Variants in FYB1 observed in about 807,000 individuals in gnomAD.
FYB1 encodes FYN binding protein 1.
A neutral mutation model predicts 94.1 loss-of-function variants in FYB1; 41 were observed. The observed-to-expected ratio is 0.44, with a 90% CI of 0.34 to 0.57. The LOEUF (loss-of-function observed/expected upper bound fraction) is 0.57, where lower values mean the gene tolerates loss of function less well. FYB1 is among the 20% of genes least tolerant of loss of function. The pLI, the probability that FYB1 is intolerant of heterozygous loss-of-function variation, is 0.02. For synonymous variants in FYB1, 367 were observed against 353.2 expected, an observed-to-expected ratio of 1.04 and a Z score of -0.44; for missense variants, 1,050 against 976.8, an observed-to-expected ratio of 1.07 and a Z score of -1.00.
chr5:39,118,048 A>G (rs1377963212), intron 16 of FYB1, among the ~76,000 whole-genome samples: 1 of 151,910 alleles, frequency 6.6e-6, no homozygotes, highest in East Asian at 1.9e-4. Flanking sequence ...TACAAGGCGC[A>G]CACCGCTACA....
At position 39,151,754 on chromosome 5, in the gene FYB1, G is replaced by A. The variant is rs970605773; in HGVS notation, c.1292+1694C>T. Among the ~76,000 whole-genome samples the A allele has an allele frequency of 2.6e-5, 4 of 152,220 alleles. No individual in the cohort carries two copies. The East Asian group carries it at 7.7e-4, about 29-fold the overall frequency. On this transcript the variant is annotated intron_variant, in intron 3 of 18. Coordinates refer to ENST00000512982, the MANE Select transcript of FYB1 (RefSeq NM_001465.6). ...AAATCTATTAGATCTTGACTTGAGA[G>A]TGGTCTTTGATTAGAAAAGGGAGGA...
intron 1 of FYB1, among the ~76,000 whole-genome samples, chr5:39,237,403 G>A (rs1255439761): frequency 1.3e-5 from 2 of 152,024 alleles, no homozygotes; most frequent in Non-Finnish European, 2.9e-5. Context: ...GTGGGTCCAG[G>A]TGTTATAAAT....
chr5:39,241,145 C>G (rs1425426208), intron 1 of FYB1, among the ~76,000 whole-genome samples: 1 of 152,042 alleles, frequency 6.6e-6, no homozygotes, highest in Admixed American at 6.6e-5. Context: ...AAGAAGGGAA[C>G]AATAGGGCCT....
chr5:39,254,990 ATATG>A (rs1751871842), intron 1 of FYB1, among the ~76,000 whole-genome samples: 1 of 152,190 alleles, frequency 6.6e-6, no homozygotes, highest in Non-Finnish European at 1.5e-5. Context: ...TTGTGTAGGG[ATATG>A]TCTAGAAAAA....
intron 4 of FYB1, 37 bp downstream of exon 4, chr5:39,141,058 T>C: frequency 6.9e-7 from 1 of 1,446,894 alleles, no homozygotes; most frequent in Non-Finnish European, 9.5e-7. Context: ...TACCTGAGTT[T>C]ACAAATAAAT....
chr5:39,202,987 C>A lies in FYB1; in HGVS notation c.-27G>T. The A allele has an allele frequency of 6.2e-7, 1 of 1,612,566 alleles. No homozygotes were observed. The highest frequency in any genetic ancestry group is 8.5e-7 in the Non-Finnish European group (1 of 1,179,456). On this transcript the variant is annotated splice_region_variant and 5_prime_UTR_variant, in exon 2 of 19. Transcript: ENST00000512982. ...AGGGACTTTACATCTGCCTTTCCAT[C>A]CTACAAACATAGGGAACAAAAAATA...
chr5:39,126,255 TA>T, intron 11 of FYB1, 120 bp from the exon 12 acceptor site: 1 of 1,055,464 alleles, frequency 9.5e-7, no homozygotes. Flanking sequence ...ATTCAGGCAG[TA>T]AATAACTCAT....
chr5:39,269,993 G>C (rs970596283), intron 1 of FYB1, among the ~76,000 whole-genome samples: 3 of 152,002 alleles, frequency 2.0e-5, no homozygotes, highest in Non-Finnish European at 4.4e-5. Flanking sequence ...AAGTAGTGCT[G>C]GGAACCCACT....
chr5:39,204,932 C>T (rs1748709215), intron 1 of FYB1, among the ~76,000 whole-genome samples: 1 of 152,138 alleles, frequency 6.6e-6, no homozygotes, highest in Non-Finnish European at 1.5e-5. Flanking sequence ...TTTCTACCAC[C>T]CCTGACTTCC....
intron 2 of FYB1, among the ~76,000 whole-genome samples, chr5:39,159,672 A>T (rs1744073770): frequency 6.6e-6 from 1 of 152,168 alleles, no homozygotes; most frequent in Non-Finnish European, 1.5e-5. Context: ...ATCTCCTGAT[A>T]TCTTGCTCTC....
intron 1 of FYB1, among the ~76,000 whole-genome samples, chr5:39,265,505 A>G (rs1336581943): frequency 6.6e-6 from 1 of 150,968 alleles, no homozygotes; most frequent in African/African-American, 2.4e-5. Context: ...AAAGAAAAAA[A>G]AATTAGCTGG....
chr5:39,161,797 T>C (rs1039540221), intron 2 of FYB1, among the ~76,000 whole-genome samples: 4 of 152,190 alleles, frequency 2.6e-5, no homozygotes, highest in African/African-American at 9.6e-5. Flanking sequence ...TTTTAGAATA[T>C]ACACATCACC....
chr5:39,146,491 T>C (rs531188095), intron 3 of FYB1, among the ~76,000 whole-genome samples: 4 of 152,370 alleles, frequency 2.6e-5, no homozygotes, highest in South Asian at 4.1e-4. Context: ...CCTGTCATGA[T>C]AGGCTTTTGA....
chr5:39,218,985 C>G (rs963550119), intron 1 of FYB1, among the ~76,000 whole-genome samples: 1 of 152,128 alleles, frequency 6.6e-6, no homozygotes, highest in East Asian at 1.9e-4. Flanking sequence ...CATGTGAATC[C>G]TCACCTCCTG....
In FYB1 at chr5:39,244,292, C is replaced by T. The variant is rs959170682; in HGVS notation, c.-28+30111G>A. ...TGGCTGTGGGTTTGTCATAAATAGC[C>T]CGTATTGTTTTGAGGTACGTCCCAT... On this transcript the variant is annotated intron_variant, in intron 1 of 1. Transcript: ENST00000510188. Among the ~76,000 whole-genome samples, 6 of 152,084 alleles carry T rather than the reference C, an allele frequency of 3.9e-5. No individual in the cohort carries two copies. In the South Asian group the frequency reaches 1.2e-3, roughly 32 times the overall value.
chr5:39,134,455 T>G, intron 8 of FYB1, 106 bp from the exon 9 acceptor site: 2 of 1,038,100 alleles, frequency 1.9e-6, no homozygotes, highest in South Asian at 1.8e-5. Context: ...TTCCCCTGAT[T>G]TATTTTCTTG....
intron 7 of FYB1, 200 bp downstream of exon 7, chr5:39,137,400 A>G (rs1037339932): frequency 6.7e-6 from 3 of 447,688 alleles, no homozygotes; most frequent in Non-Finnish European, 1.1e-5. Context: ...GAACCAATAT[A>G]TTTATTTAAA....
intron 2 of FYB1, chr5:39,169,559 G>C: frequency 1.9e-6 from 1 of 523,902 alleles, no homozygotes; most frequent in Non-Finnish European, 3.8e-6. Flanking sequence ...GAAAGACCAA[G>C]GAGGGCCAGA....
chr5:39,222,263 C>A (rs910110964), upstream of FYB1, among the ~76,000 whole-genome samples: 4 of 152,124 alleles, frequency 2.6e-5, no homozygotes, highest in Admixed American at 2.0e-4. Context: ...GTCTGTGTTT[C>A]TCACTAGATC....
Sources: allele counts gnomAD v4.1 joint callset (sites outside exome capture counted in the v4.1 genomes callset), GRCh38; gene constraint gnomAD v4.1.1; transcripts MANE v1.5; gene names NCBI Gene and HGNC (gene_info 2026-07-23, HGNC 2026-07-21).